Variants in AUTS2 observed in about 807,000 individuals in gnomAD.
AUTS2 encodes autism susceptibility gene 2 protein.
AUTS2 carries 17 observed loss-of-function variants against 112.4 expected under a neutral mutation model. The observed-to-expected ratio is 0.15, with a 90% CI of 0.10 to 0.23. AUTS2 has a LOEUF of 0.23. AUTS2 is among the 10% of genes least tolerant of loss of function. The probability of loss-of-function intolerance (pLI) is 1.00; values close to 1 mark genes in which losing one functional copy is unlikely to be tolerated. For missense variants in AUTS2, 1,510 were observed against 1,701.6 expected, an observed-to-expected ratio of 0.89 and a Z score of 1.98; for synonymous variants, 751 against 702.7, an observed-to-expected ratio of 1.07 and a Z score of -1.09.
rs34014627 is a variant in AUTS2 at position 70,548,924 on chromosome 7, ACC to A, written c.690+113152_690+113153del. Among the ~76,000 whole-genome samples the A allele has an allele frequency of 2.9e-4, 37 of 126,640 alleles. 1 individual carries two copies. The highest frequency in any genetic ancestry group is 4.7e-4 in the Admixed American group (6 of 12,854). 83.1% of individuals were successfully genotyped at this position (126,640 alleles called of 152,430 possible). A position where few individuals can be genotyped will look rare whatever the true frequency, so the allele number is the denominator to read the frequency against. On this transcript the variant is annotated intron_variant, in intron 5 of 18. Coordinates refer to ENST00000342771, the MANE Select transcript of AUTS2 (RefSeq NM_015570.4). ...TTTTAGGATCATCTTGTCAATTTCT[ACC>A]CCCCCCCCAAAAAAAAAAAAGTCTG...
intron 1 of AUTS2, among the ~76,000 whole-genome samples, chr7:69,672,793 C>T (rs1362500590): frequency 6.6e-6 from 1 of 152,170 alleles, no homozygotes; most frequent in Non-Finnish European, 1.5e-5. Flanking sequence ...TCCCTGTTGG[C>T]ATCTTCTCTT....
chr7:70,411,126 G>C (rs762306624), intron 4 of AUTS2, among the ~76,000 whole-genome samples: 57 of 152,106 alleles, frequency 3.7e-4, no homozygotes, highest in Admixed American at 9.8e-4. Context: ...TGGCCTCCCA[G>C]AGTGCTGGGA....
chr7:69,950,306 A>G (rs1796974393), intron 2 of AUTS2, among the ~76,000 whole-genome samples: 2 of 152,184 alleles, frequency 1.3e-5, no homozygotes, highest in South Asian at 4.1e-4. Flanking sequence ...TTACCAATAT[A>G]TATCCCATTG....
intron 4 of AUTS2, among the ~76,000 whole-genome samples, chr7:70,322,357 T>C (rs1370713075): frequency 6.6e-6 from 1 of 152,154 alleles, no homozygotes; most frequent in Non-Finnish European, 1.5e-5. Context: ...ACAAGGCTAT[T>C]CTTTACTGTC....
intron 4 of AUTS2, among the ~76,000 whole-genome samples, chr7:70,288,141 G>T (rs180966786): frequency 6.6e-6 from 1 of 152,100 alleles, no homozygotes; most frequent in Admixed American, 6.5e-5. Flanking sequence ...GGCCAGACGC[G>T]GTGACTCACG....
At chr7:70,725,677 A>T (rs2129551929) in intron 6 of AUTS2, among the ~76,000 whole-genome samples, 2 of 152,324 alleles carry the variant, frequency 1.3e-5, no homozygotes, top group East Asian at 3.9e-4. Flanking sequence ...GAGTTCAGCC[A>T]AGAGTTAAGG....
chr7:69,917,190 T>G (rs550951278), intron 2 of AUTS2, among the ~76,000 whole-genome samples: 33 of 151,400 alleles, frequency 2.2e-4, no homozygotes, highest in South Asian at 6.3e-4. Flanking sequence ...ATTGTGTGGG[T>G]TTTTTTTTCT....
intron 12 of AUTS2, chr7:70,774,854 G>A (rs1448002193): frequency 6.5e-6 from 1 of 154,424 alleles, no homozygotes; most frequent in Non-Finnish European, 1.4e-5. Context: ...ATGTCATGAT[G>A]TATAGTGAAC....
At chr7:70,650,415 C>G (rs1336176775) in intron 5 of AUTS2, among the ~76,000 whole-genome samples, 5 of 152,210 alleles carry the variant, frequency 3.3e-5, no homozygotes, top group African/African-American at 1.2e-4. Flanking sequence ...CCTGGGCAAC[C>G]AACAGGGTCT....
chr7:69,958,204 C>T (rs767932137), intron 2 of AUTS2, among the ~76,000 whole-genome samples: 7 of 152,160 alleles, frequency 4.6e-5, no homozygotes, highest in South Asian at 2.1e-4. Context: ...TTTTGTAAAT[C>T]GGGTTTTATT....
chr7:69,643,099 G>A (rs73439061), intron 1 of AUTS2, among the ~76,000 whole-genome samples: 4,831 of 152,210 alleles, frequency 0.032, 114 homozygotes, highest in African/African-American at 0.065. Context: ...GGGACTTAAT[G>A]TTTTTGCTGG....
chr7:70,224,743 C>T (rs1318178306), intron 4 of AUTS2, among the ~76,000 whole-genome samples: 1 of 152,130 alleles, frequency 6.6e-6, no homozygotes, highest in Non-Finnish European at 1.5e-5. Context: ...ATGGTAAGTG[C>T]CCTATACAGG....
chr7:69,976,282 A>G (rs1798056243), intron 2 of AUTS2, among the ~76,000 whole-genome samples: 1 of 152,208 alleles, frequency 6.6e-6, no homozygotes, highest in African/African-American at 2.4e-5. Context: ...GGCTTATTTC[A>G]CTTCATAATA....
intron 1 of AUTS2, among the ~76,000 whole-genome samples, chr7:69,889,503 A>C (rs942540412): frequency 5.3e-5 from 8 of 152,200 alleles, no homozygotes; most frequent in African/African-American, 1.9e-4. Flanking sequence ...TCTTTTTGAT[A>C]ATACCCGTCC....
At chr7:69,731,112 C>T (rs139432049) in intron 1 of AUTS2, among the ~76,000 whole-genome samples, 7 of 152,140 alleles carry the variant, frequency 4.6e-5, no homozygotes, top group Admixed American at 3.9e-4. Flanking sequence ...GGCAACATGC[C>T]GAAACCCTGT....
intron 5 of AUTS2, among the ~76,000 whole-genome samples, chr7:70,647,837 T>G (rs1410322669): frequency 6.6e-6 from 1 of 152,226 alleles, no homozygotes; most frequent in African/African-American, 2.4e-5. Flanking sequence ...GGCCTTTCTT[T>G]GGAACTCAGA....
intron 5 of AUTS2, among the ~76,000 whole-genome samples, chr7:70,621,316 G>T (rs943908449): frequency 2.6e-5 from 4 of 152,218 alleles, no homozygotes; most frequent in African/African-American, 9.6e-5. Context: ...TGGGGGCAGG[G>T]TGGGGGGTTC....
intron 1 of AUTS2, among the ~76,000 whole-genome samples, chr7:69,881,573 T>C (rs902185061): frequency 1.3e-5 from 2 of 152,186 alleles, no homozygotes; most frequent in Non-Finnish European, 2.9e-5. Context: ...TCAGGACTTC[T>C]TTTTGCCTCT....
intron 4 of AUTS2, among the ~76,000 whole-genome samples, chr7:70,371,787 A>T (rs1373917162): frequency 6.6e-6 from 1 of 152,168 alleles, no homozygotes; most frequent in Non-Finnish European, 1.5e-5. Flanking sequence ...TCATAGATAC[A>T]AGCATTTTTT....
Sources: gnomAD v4.1 joint callset for allele counts (sites outside exome capture counted in the v4.1 genomes callset) on GRCh38, gnomAD v4.1.1 for gene constraint, MANE v1.5 for transcripts, NCBI Gene and HGNC (gene_info 2026-07-23, HGNC 2026-07-21) for gene names.